The following DLG2 variants were observed in gnomAD, a reference collection of about 807,000 sequenced individuals.
DLG2 encodes the protein discs large MAGUK scaffold protein 2.
A neutral mutation model predicts 132.5 loss-of-function variants in DLG2; 45 were observed. The observed-to-expected ratio is 0.34, with a 90% CI of 0.27 to 0.44. DLG2 has a LOEUF of 0.44. Ranked by LOEUF, DLG2 falls within the 20% of genes least tolerant of loss-of-function variation. The probability of loss-of-function intolerance (pLI) is 1.00; values close to 1 mark genes in which losing one functional copy is unlikely to be tolerated. For missense variants in DLG2, 1,045 were observed against 1,196.9 expected (o/e 0.87, Z 1.87); for synonymous variants, 424 against 419.6 (o/e 1.01, Z -0.13).
chr11:84,407,844 T>C (rs1014312904), intron 7 of DLG2, among the ~76,000 whole-genome samples: 1 of 152,192 alleles, frequency 6.6e-6, no homozygotes, highest in African/African-American at 2.4e-5. Context: ...TCAAGAACTG[T>C]CCTTTCCCCA....
intron 7 of DLG2, among the ~76,000 whole-genome samples, chr11:84,420,538 C>T (rs2098945095): frequency 6.6e-6 from 1 of 151,218 alleles, no homozygotes; most frequent in East Asian, 2.0e-4. Context: ...AGCAAAATTT[C>T]AGGAGGAAAA....
chr11:83,519,018 G>T (rs901644019), intron 21 of DLG2, among the ~76,000 whole-genome samples: 1 of 152,140 alleles, frequency 6.6e-6, no homozygotes, highest in Non-Finnish European at 1.5e-5. Context: ...AAGTGTGGGG[G>T]TCAGGAACTT....
intron 7 of DLG2, among the ~76,000 whole-genome samples, chr11:84,502,379 TTTCTTTCTTTCTTTCTTTCTTTCTTTC>T (rs2099220969): frequency 2.1e-5 from 2 of 94,764 alleles, no homozygotes; most frequent in Non-Finnish European, 4.0e-5. Flanking sequence ...TCTTTCTTTC[TTTCTTTCTTTCTTTCTTTCTTTCTTTC>T]TTTCTTTCTA....
chr11:83,790,201 C>G (rs1308494011), intron 17 of DLG2: 1 of 876,978 alleles, frequency 1.1e-6, no homozygotes, highest in Admixed American at 2.1e-5. Context: ...TGACTGAATG[C>G]TCAATTAGAT....
intron 7 of DLG2, among the ~76,000 whole-genome samples, chr11:84,406,174 C>A (rs1191110108): frequency 6.6e-6 from 1 of 152,164 alleles, no homozygotes. Flanking sequence ...CCACACTTAA[C>A]CCCTGATTAC....
chr11:84,066,956 G>T lies in DLG2; in HGVS notation c.750-7472C>A, dbSNP rs1166664498. Among the ~76,000 whole-genome samples the T allele has an allele frequency of 2.6e-5, 4 of 152,224 alleles. No individual in the cohort carries two copies. The East Asian group carries it at 5.8e-4, about 22-fold the overall frequency. On this transcript the variant is annotated intron_variant, in intron 10 of 27. Transcript: ENST00000376104. ...CACATCATGAAGAAAGCTGATCAAT[G>T]TTTAATGTGCTGTATGAAGTGTAAA...
At chr11:85,171,456 C>G (rs1376806118) in intron 4 of DLG2, among the ~76,000 whole-genome samples, 3 of 152,174 alleles carry the variant, frequency 2.0e-5, no homozygotes, top group Non-Finnish European at 4.4e-5. Context: ...GGATCCGAAG[C>G]AGAGAGCTGT....
At chr11:85,154,724 T>C (rs2077482858) in intron 4 of DLG2, 73 bp from the exon 5 acceptor site, 2 of 725,646 alleles carry the variant, frequency 2.8e-6, no homozygotes, top group Non-Finnish European at 4.5e-6. Context: ...AAACTTTGAA[T>C]ATACACATTA....
At chr11:85,340,589 G>A (rs1295310068) in intron 3 of DLG2, among the ~76,000 whole-genome samples, 4 of 152,128 alleles carry the variant, frequency 2.6e-5, no homozygotes, top group African/African-American at 4.8e-5. Flanking sequence ...GTATACCTAC[G>A]TATCAAACCT....
intron 6 of DLG2, among the ~76,000 whole-genome samples, chr11:84,777,536 A>T (rs537822320): frequency 4.1e-4 from 62 of 151,562 alleles, no homozygotes; most frequent in Admixed American, 3.3e-3. Context: ...ACTGTTTTCC[A>T]TAGAGGTTGG....
At position 85,450,071 on chromosome 11, in the gene DLG2, G is replaced by C. The variant is rs550254795; in HGVS notation, c.40+148586C>G. On this transcript the variant is annotated intron_variant, in intron 3 of 27. Coordinates refer to ENST00000376104, the MANE Select transcript of DLG2 (RefSeq NM_001142699.3). The stretch of plus-strand genomic sequence containing the variant: ...GAACCCAGGAGGCAGAGGTTGCATG[G>C]TGAGCCAAGATCGCACCACTGCACT... Among the ~76,000 whole-genome samples, 14 of 152,204 alleles carry C rather than the reference G, an allele frequency of 9.2e-5. No individual in the cohort carries two copies. In the South Asian group the frequency reaches 2.9e-3, roughly 32 times the overall value.
intron 8 of DLG2, among the ~76,000 whole-genome samples, chr11:84,206,847 G>A (rs913278295): frequency 5.3e-5 from 8 of 151,906 alleles, no homozygotes; most frequent in African/African-American, 1.9e-4. Flanking sequence ...AACTTTATAT[G>A]TAGAAACCTC....
intron 11 of DLG2, among the ~76,000 whole-genome samples, chr11:83,981,893 A>C (rs2154174992): frequency 6.6e-6 from 1 of 152,350 alleles, no homozygotes; most frequent in African/African-American, 2.4e-5. Flanking sequence ...AGCAATAACA[A>C]GAATAGAGGA....
chr11:85,474,265 C>G (rs1180243003), intron 3 of DLG2, among the ~76,000 whole-genome samples: 3 of 151,896 alleles, frequency 2.0e-5, no homozygotes, highest in Non-Finnish European at 2.9e-5. Context: ...AAGCCTGAAA[C>G]TGTATTTACT....
intron 7 of DLG2, among the ~76,000 whole-genome samples, chr11:84,346,320 C>T (rs1045875931): frequency 7.9e-5 from 12 of 152,162 alleles, no homozygotes; most frequent in African/African-American, 1.9e-4. Context: ...AGCCTATAAG[C>T]GCCTCCAAAC....
chr11:84,470,214 G>A (rs10501564), intron 7 of DLG2, among the ~76,000 whole-genome samples: 3 of 151,436 alleles, frequency 2.0e-5, no homozygotes, highest in Non-Finnish European at 4.4e-5. Flanking sequence ...TCTAAATCAG[G>A]AAAGATAAGA....
chr11:84,557,681 G>C (rs2099414677), intron 6 of DLG2, among the ~76,000 whole-genome samples: 1 of 150,962 alleles, frequency 6.6e-6, no homozygotes, highest in Non-Finnish European at 1.5e-5. Context: ...TTCTGAGAGA[G>C]ATATTTGGGC....
intron 25 of DLG2, 84 bp downstream of exon 25, chr11:83,469,117 A>C: frequency 1.0e-6 from 1 of 992,572 alleles, no homozygotes; most frequent in Non-Finnish European, 1.5e-6. Context: ...ATCAAGAAAG[A>C]GTAATGACCA....
chr11:84,295,157 G>C (rs564846171), intron 7 of DLG2, among the ~76,000 whole-genome samples: 1 of 152,244 alleles, frequency 6.6e-6, no homozygotes, highest in East Asian at 1.9e-4. Context: ...CCTGAGCTCT[G>C]ATTACAAATC....
Sources: gnomAD v4.1 joint callset for allele counts (sites outside exome capture counted in the v4.1 genomes callset) on GRCh38, gnomAD v4.1.1 for gene constraint, MANE v1.5 for transcripts, NCBI Gene and HGNC (gene_info 2026-07-23, HGNC 2026-07-21) for gene names.